The following AOPEP variants were observed in gnomAD, a reference collection of about 807,000 sequenced individuals.
The protein encoded by AOPEP is aminopeptidase O.
In AOPEP, 77 loss-of-function variants were observed where a neutral mutation model predicts 98.1. The observed-to-expected ratio is 0.78, with a 90% CI of 0.65 to 0.95. AOPEP has a LOEUF of 0.95. Ranked by LOEUF, AOPEP falls within the 40% of genes least tolerant of loss-of-function variation. AOPEP has a pLI of 0.00. For missense variants in AOPEP, 1,024 were observed against 1,024.7 expected, an observed-to-expected ratio of 1.00 and a Z score of 0.01; for synonymous variants, 346 against 365.3, an observed-to-expected ratio of 0.95 and a Z score of 0.60.
At chr9:94,823,299 A>G (rs992694412) in intron 5 of AOPEP, among the ~76,000 whole-genome samples, 1 of 152,194 alleles carries the variant, frequency 6.6e-6, no homozygotes, top group African/African-American at 2.4e-5. Context: ...CCTGGCTTAT[A>G]TGAAATGCTA....
the AOPEP span, chr9:95,125,255 A>G: frequency 3.2e-6 from 4 of 1,261,216 alleles, no homozygotes; most frequent in Non-Finnish European, 4.7e-6. Context: ...CCTGCACTGT[A>G]TAAGGGAAAA....
chr9:95,142,778 A>ATC, the AOPEP span, among the ~76,000 whole-genome samples: 4 of 152,204 alleles, frequency 2.6e-5, no homozygotes, highest in African/African-American at 7.2e-5. Flanking sequence ...TGCGAGTGTT[A>ATC]GAGTGGTCAG....
intron 7 of AOPEP, among the ~76,000 whole-genome samples, chr9:94,936,414 T>C (rs960612883): frequency 3.9e-5 from 6 of 152,168 alleles, no homozygotes; most frequent in Non-Finnish European, 8.8e-5. Flanking sequence ...AACATAAATT[T>C]ATCTTCCCAC....
intron 13 of AOPEP, among the ~76,000 whole-genome samples, chr9:95,041,122 G>A (rs929931665): frequency 3.3e-5 from 5 of 151,382 alleles, no homozygotes; most frequent in African/African-American, 9.7e-5. Context: ...AGGCTCTCAC[G>A]TTTTACCAGT....
At chr9:94,751,174 T>C (rs890282244) in intron 1 of AOPEP, among the ~76,000 whole-genome samples, 1 of 152,168 alleles carries the variant, frequency 6.6e-6, no homozygotes, top group African/African-American at 2.4e-5. Flanking sequence ...TCAATGCCAT[T>C]CCCTTCTTCC....
At chr9:95,051,813 C>T (rs2066394867) in intron 13 of AOPEP, among the ~76,000 whole-genome samples, 1 of 151,798 alleles carries the variant, frequency 6.6e-6, no homozygotes, top group East Asian at 1.9e-4. Flanking sequence ...ACGCCATTCT[C>T]CTGCCTCTGC....
chr9:95,051,080 T>TC (rs2066305136), intron 13 of AOPEP, among the ~76,000 whole-genome samples: 1 of 147,358 alleles, frequency 6.8e-6, no homozygotes. Flanking sequence ...AAAATGTTTT[T>TC]GTGGCTTACT....
intron 14 of AOPEP, among the ~76,000 whole-genome samples, chr9:95,077,188 T>C (rs76741324): frequency 0.023 from 3,521 of 152,258 alleles, 139 homozygotes; most frequent in African/African-American, 0.081. Context: ...GTTATGTGTT[T>C]CTCCTGCCAG....
chr9:94,728,114 A>G (rs1164413485), intron 1 of AOPEP, among the ~76,000 whole-genome samples: 1 of 152,168 alleles, frequency 6.6e-6, no homozygotes, highest in Non-Finnish European at 1.5e-5. Context: ...CAATTTTATG[A>G]GTTTGTTCAC....
At position 95,063,690 on chromosome 9, in the gene AOPEP, T is replaced by G. The variant is rs183029768; in HGVS notation, c.2232+2880T>G. On this transcript the variant is annotated intron_variant, in intron 14 of 16. Transcript: ENST00000375315. ...GAATTTGGTAGCACCCGTTCTTCCCTTCACTGTGTGGGGGAAATAGTGTTG... is the reference window on the plus strand; with the variant it reads ...GAATTTGGTAGCACCCGTTCTTCCCGTCACTGTGTGGGGGAAATAGTGTTG... 3.5e-3 allele frequency among the ~76,000 whole-genome samples: 536 copies of G among 152,316 alleles called. 4 individuals carry two copies. The highest frequency in any genetic ancestry group is 0.013 in the Admixed American group (199 of 15,304).
rs554867940 is a variant in AOPEP, at chr9:94,762,776, T to C, written c.797+2196T>C. On this transcript the variant is annotated intron_variant, in intron 2 of 16. Coordinates refer to ENST00000375315, the MANE Select transcript of AOPEP (RefSeq NM_001193329.3). ...GGTCTCTCTCAACTCTCCCTTGCGC[T>C]GCAGAATAAATCTTAGGATGTACTG... 2.5e-3 allele frequency among the ~76,000 whole-genome samples: 384 copies of C among 152,352 alleles called. 6 individuals are homozygous for C. The highest frequency in any genetic ancestry group is 0.015 in the South Asian group (71 of 4,832).
intron 13 of AOPEP, among the ~76,000 whole-genome samples, chr9:95,042,282 A>T (rs1417785691): frequency 6.7e-6 from 1 of 149,798 alleles, no homozygotes. Flanking sequence ...ACTGCACTCC[A>T]GCCTGGGCAA....
intron 13 of AOPEP, chr9:95,006,226 G>A (rs1193624556): frequency 2.8e-6 from 1 of 355,424 alleles, no homozygotes; most frequent in Admixed American, 3.6e-5. Flanking sequence ...TAAGTAGCCC[G>A]TTGTTTTCTA....
At chr9:94,962,900 C>T (rs781097923) in intron 9 of AOPEP, among the ~76,000 whole-genome samples, 26 of 152,036 alleles carry the variant, frequency 1.7e-4, no homozygotes, top group Non-Finnish European at 3.5e-4. Context: ...CCCGCCACCA[C>T]GCCTGGCTAA....
chr9:94,759,563 G>A (rs1328950644), intron 1 of AOPEP, 86 bp from the exon 2 acceptor site: 2 of 527,012 alleles, frequency 3.8e-6, no homozygotes, highest in Non-Finnish European at 6.7e-6. Context: ...ATTTAAGGAT[G>A]GTGGTCAACT....
chr9:94,774,613 T>TA (rs1298205382), intron 3 of AOPEP, among the ~76,000 whole-genome samples: 1 of 152,172 alleles, frequency 6.6e-6, no homozygotes, highest in East Asian at 1.9e-4. Context: ...TTTATCTGAA[T>TA]ATATCAGAAT....
chr9:94,989,029 G>A (rs1040101368), intron 11 of AOPEP, among the ~76,000 whole-genome samples: 3 of 150,994 alleles, frequency 2.0e-5, no homozygotes, highest in African/African-American at 7.3e-5. Flanking sequence ...CTGCCTCAGC[G>A]GGGGCAAACT....
Position 95,074,815 on chromosome 9 carries a change from G to A in AOPEP, c.2233-5879G>A, listed in dbSNP as rs116107900. ...TCAGGAGGCCAGCCAGGCCCAGGCC[G>A]CACCTGCTCTTCCCCCTCCCAGGCC... is the stretch of plus-strand genomic sequence containing the variant. On this transcript the variant is annotated intron_variant, in intron 14 of 16. Coordinates refer to ENST00000375315, the MANE Select transcript of AOPEP (RefSeq NM_001193329.3). Among the ~76,000 whole-genome samples the A allele has an allele frequency of 9.4e-3, 1,430 of 152,296 alleles. 29 individuals are homozygous for A. The highest frequency in any genetic ancestry group is 0.032 in the African/African-American group (1,349 of 41,560).
chr9:95,070,206 C>T (rs57860696), intron 14 of AOPEP, among the ~76,000 whole-genome samples: 5,094 of 152,096 alleles, frequency 0.033, 281 homozygotes, highest in African/African-American at 0.12. Flanking sequence ...TCTGCAGAGG[C>T]CCCCCTTACC....
Sources: allele counts gnomAD v4.1 joint callset (sites outside exome capture counted in the v4.1 genomes callset), GRCh38; gene constraint gnomAD v4.1.1; transcripts MANE v1.5; gene names NCBI Gene and HGNC (gene_info 2026-07-23, HGNC 2026-07-21).